The following CUBN variants were observed in gnomAD, a reference collection of about 807,000 sequenced individuals.
CUBN encodes the protein cubilin.
In CUBN, 282 loss-of-function variants were observed where a neutral mutation model predicts 405.3. The observed-to-expected ratio is 0.70, with a 90% CI of 0.63 to 0.77. The LOEUF (loss-of-function observed/expected upper bound fraction) is 0.77, where lower values mean the gene tolerates loss of function less well. Among genes scored for constraint, CUBN ranks in the 30% least tolerant of loss-of-function variants. CUBN has a pLI of 0.00. For missense variants in CUBN, 4,514 were observed against 4,475.2 expected (o/e 1.01, Z -0.25); for synonymous variants, 1,684 against 1,617.0 (o/e 1.04, Z -0.99).
intron 40 of CUBN, 148 bp from the exon 41 acceptor site, chr10:16,928,451 T>G: frequency 1.2e-6 from 1 of 824,366 alleles, no homozygotes; most frequent in Non-Finnish European, 2.0e-6. Context: ...GAAGGACCCC[T>G]CAGGGGTGAT....
chr10:17,106,352 T>C (rs1836629633), intron 10 of CUBN, among the ~76,000 whole-genome samples: 1 of 143,616 alleles, frequency 7.0e-6, no homozygotes. Context: ...CTGTAATCCC[T>C]GAACTTTGGG....
intron 44 of CUBN, 83 bp from the exon 45 acceptor site, chr10:16,918,883 G>A (rs1276935016): frequency 1.1e-5 from 14 of 1,231,494 alleles, no homozygotes; most frequent in African/African-American, 7.5e-5. Context: ...TTTCTTTGAA[G>A]ATATTATTAA....
chr10:16,950,159 A>G, intron 33 of CUBN, 48 bp from the exon 34 acceptor site: 1 of 1,377,504 alleles, frequency 7.3e-7, no homozygotes, highest in Non-Finnish European at 1.0e-6. Flanking sequence ...GGCAAATAAA[A>G]CATACAGGGA....
rs372795684 is a variant in CUBN at position 17,126,740 on chromosome 10, A to T, written c.387+21T>A. On this transcript the variant is annotated intron_variant, in intron 4 of 66. Coordinates refer to ENST00000377833, the MANE Select transcript of CUBN (RefSeq NM_001081.4). ...TATGTTTTCTGTGAAAGATTTGGGT[A>T]TGTAGTAGCATGAGACCTACCTGCT... The T allele has an allele frequency of 2.7e-4, 437 of 1,612,764 alleles. 1 individual carries two copies. Among genetic ancestry groups the T allele is most frequent in the South Asian group, 1.8e-4 (16 of 91,052 alleles).
intron 37 of CUBN, 80 bp from the exon 38 acceptor site, chr10:16,939,227 G>T (rs1842594410): frequency 2.7e-6 from 3 of 1,108,778 alleles, no homozygotes; most frequent in East Asian, 2.4e-5. Flanking sequence ...AAGGCAAAGG[G>T]TGTTGAAAAG....
rs1256480631 is a variant in CUBN at position 16,952,404 on chromosome 10, A to C, written c.4856-15T>G. 2 of 1,409,480 alleles carry C rather than the reference A, an allele frequency of 1.4e-6. No homozygotes were observed. Among genetic ancestry groups the C allele is most frequent in the East Asian group, 2.3e-5 (1 of 43,932 alleles). The allele number at this position is 1,409,480 out of a possible 1,614,324, so 87.3% of individuals were successfully genotyped here. ...GCCTCCGCAGGCTGGGGAACACACA[A>C]ACACACATACATGTCATATGCTTTT... On this transcript the variant is annotated splice_polypyrimidine_tract_variant and intron_variant, in intron 32 of 66. Transcript: ENST00000377833.
chr10:16,825,326 G>C (rs749605039), intron 66 of CUBN, among the ~76,000 whole-genome samples: 5 of 151,988 alleles, frequency 3.3e-5, no homozygotes, highest in East Asian at 1.9e-4. Context: ...GGTTTCTTTG[G>C]GGGGTAATGA....
intron 21 of CUBN, among the ~76,000 whole-genome samples, chr10:17,067,720 G>A (rs139974180): frequency 1.3e-3 from 204 of 152,284 alleles, no homozygotes; most frequent in Non-Finnish European, 2.3e-3. Flanking sequence ...CCATTTAGAT[G>A]ATATGCAAAC....
At chr10:17,063,465 G>A (rs542759163) in intron 22 of CUBN, among the ~76,000 whole-genome samples, 26 of 152,190 alleles carry the variant, frequency 1.7e-4, no homozygotes, top group Admixed American at 2.6e-4. Flanking sequence ...TGAAAACATC[G>A]TCTCCCCTTC....
At chr10:16,901,909 A>ACCATATATAG in intron 51 of CUBN, among the ~76,000 whole-genome samples, 2 of 136,380 alleles carry the variant, frequency 1.5e-5, no homozygotes, top group Non-Finnish European at 3.1e-5. Context: ...ATATATATAT[A>ACCATATATAG]TATATATATA....
chr10:16,875,011 T>C (rs1840458695), intron 57 of CUBN, among the ~76,000 whole-genome samples: 1 of 152,094 alleles, frequency 6.6e-6, no homozygotes, highest in African/African-American at 2.4e-5. Flanking sequence ...TTTGGAGCTT[T>C]CCAGTTTAGT....
At chr10:17,021,379 G>C (rs982351592) in intron 27 of CUBN, among the ~76,000 whole-genome samples, 4 of 152,112 alleles carry the variant, frequency 2.6e-5, no homozygotes, top group African/African-American at 7.2e-5. Flanking sequence ...AACAAGACTG[G>C]CTTCCTCAGG....
chr10:17,126,640 G>T, intron 4 of CUBN, 121 bp downstream of exon 4: 2 of 1,116,518 alleles, frequency 1.8e-6, no homozygotes, highest in East Asian at 2.5e-5. Flanking sequence ...TTAAATTATG[G>T]GAAAAAGCAA....
chr10:16,903,155 A>G (rs1311023047), intron 51 of CUBN, among the ~76,000 whole-genome samples: 1 of 152,264 alleles, frequency 6.6e-6, no homozygotes, highest in Non-Finnish European at 1.5e-5. Context: ...AATCTTTCAT[A>G]TAATTCATCA....
chr10:16,902,323 A>G (rs1352929978), intron 51 of CUBN, among the ~76,000 whole-genome samples: 3 of 143,156 alleles, frequency 2.1e-5, no homozygotes, highest in Admixed American at 1.5e-4. Flanking sequence ...ATATATTTGT[A>G]TATATATATT....
intron 28 of CUBN, among the ~76,000 whole-genome samples, chr10:17,004,584 G>A (rs1485065947): frequency 8.6e-5 from 13 of 151,988 alleles, no homozygotes; most frequent in East Asian, 3.9e-4. Flanking sequence ...GCAGGAAAAC[G>A]GGAGCTATCC....
intron 58 of CUBN, among the ~76,000 whole-genome samples, chr10:16,873,917 T>C (rs1383892972): frequency 2.0e-5 from 3 of 152,262 alleles, no homozygotes; most frequent in African/African-American, 4.8e-5. Context: ...GAATAATCTA[T>C]ACAATTCCCA....
At chr10:16,964,280 G>T (rs1202261757) in intron 31 of CUBN, among the ~76,000 whole-genome samples, 1 of 151,958 alleles carries the variant, frequency 6.6e-6, no homozygotes, top group Non-Finnish European at 1.5e-5. Context: ...AACAAGAAAA[G>T]AAAAAACCCA....
In CUBN at chr10:17,030,898, G is replaced by A. The variant is rs1028000522; in HGVS notation, c.4017+10135C>T. Among the ~76,000 whole-genome samples, 51 of 152,020 alleles carry A rather than the reference G, an allele frequency of 3.4e-4. 2 individuals are homozygous for A. Among genetic ancestry groups the A allele is most frequent in the Middle Eastern group, 3.2e-3 (1 of 316 alleles). On this transcript the variant is annotated intron_variant, in intron 27 of 66. Coordinates refer to ENST00000377833, the MANE Select transcript of CUBN (RefSeq NM_001081.4). ...TACGCCACTGCACTCCAGCCCGGGC[G>A]ACAGAGTAAGACTCTGTCTCAAAAA...
Sources: gnomAD v4.1 joint callset for allele counts (sites outside exome capture counted in the v4.1 genomes callset) on GRCh38, gnomAD v4.1.1 for gene constraint, MANE v1.5 for transcripts, NCBI Gene and HGNC (gene_info 2026-07-23, HGNC 2026-07-21) for gene names.